The following WNT2 variants were observed in gnomAD, a reference collection of about 807,000 sequenced individuals.
The protein encoded by WNT2 is protein Wnt-2.
Under a neutral mutation model 36.9 loss-of-function variants are expected in WNT2, and 12 were observed. That is an observed-to-expected ratio of 0.33 (90% CI 0.21 to 0.53). WNT2 has a LOEUF of 0.53. WNT2 is among the 20% of genes least tolerant of loss of function. WNT2 has a pLI of 0.95. For synonymous variants in WNT2, 163 were observed against 174.6 expected, an observed-to-expected ratio of 0.93 and a Z score of 0.52; for missense variants, 379 against 473.1, an observed-to-expected ratio of 0.80 and a Z score of 1.84.
chr7:117,307,444 CTGTCTGACACCA>C (rs768226997), intron 3 of WNT2, among the ~76,000 whole-genome samples: 152 of 152,202 alleles, frequency 1.0e-3, no homozygotes, highest in Non-Finnish European at 1.8e-3. Context: ...TAAGCCAAGC[CTGTCTGACACCA>C]AAGTCGACAT....
Position 117,315,338 on chromosome 7 carries a change from T to C in WNT2, c.321A>G (p.Glu107=). 6.2e-7 allele frequency: 1 copy of C among 1,612,390 alleles called. No homozygotes were observed. The highest frequency in any genetic ancestry group is 8.5e-7 in the Non-Finnish European group (1 of 1,179,150). ...AGGAGATGGCATAAACAAAGGCAGA[T>C]TCCCGACTACCTGAAACAAAAATGC... The part of the protein sequence containing the change: ...FGRVLLRSSR[E]SAFVYAISSA... Residue 107 remains glutamate, a synonymous_variant, in exon 3 of 5, where the codon GAA becomes GAG. Transcript: ENST00000265441.
At chr7:117,315,487 T>C (rs2116387394) in intron 2 of WNT2, 139 bp from the exon 3 acceptor site, 1 of 909,650 alleles carries the variant, frequency 1.1e-6, no homozygotes, top group Non-Finnish European at 1.6e-6. Flanking sequence ...TCTTGAAGGG[T>C]TCTTTTCTAG....
At chr7:117,303,820 T>C (rs1176287883) in intron 3 of WNT2, among the ~76,000 whole-genome samples, 1 of 152,178 alleles carries the variant, frequency 6.6e-6, no homozygotes, top group African/African-American at 2.4e-5. Flanking sequence ...TAAAGTGAAG[T>C]TGGGTGTTTT....
At chr7:117,294,500 C>T (rs575647631) in intron 4 of WNT2, among the ~76,000 whole-genome samples, 1 of 149,994 alleles carries the variant, frequency 6.7e-6, no homozygotes. Flanking sequence ...TAGGCTCAGC[C>T]AAAAAGGACA....
At chr7:117,288,542 C>G (rs139345396) in intron 4 of WNT2, among the ~76,000 whole-genome samples, 1 of 152,256 alleles carries the variant, frequency 6.6e-6, no homozygotes, top group Non-Finnish European at 1.5e-5. Context: ...AGTATTTTAA[C>G]GTCATCCTTT....
chr7:117,289,811 G>A (rs1347827943), intron 4 of WNT2, among the ~76,000 whole-genome samples: 1 of 152,144 alleles, frequency 6.6e-6, no homozygotes, highest in African/African-American at 2.4e-5. Context: ...CACATGCTAT[G>A]CTCAAAAGAA....
At chr7:117,317,424 G>T (rs1795242923) in intron 2 of WNT2, among the ~76,000 whole-genome samples, 1 of 152,164 alleles carries the variant, frequency 6.6e-6, no homozygotes, top group South Asian at 2.1e-4. Context: ...TTACTAAATA[G>T]CTAGATGTTC....
intron 4 of WNT2, among the ~76,000 whole-genome samples, chr7:117,283,625 C>T (rs1794533812): frequency 6.6e-6 from 1 of 152,176 alleles, no homozygotes; most frequent in African/African-American, 2.4e-5. Context: ...AAAACTGAAC[C>T]AGACTGTCTG....
intron 2 of WNT2, among the ~76,000 whole-genome samples, chr7:117,319,577 C>CT (rs1795287550): frequency 6.6e-6 from 1 of 151,626 alleles, no homozygotes; most frequent in Non-Finnish European, 1.5e-5. Flanking sequence ...GGGGTTTGCA[C>CT]ATAAACTGCT....
intron 3 of WNT2, among the ~76,000 whole-genome samples, chr7:117,308,445 G>A (rs1048214960): frequency 6.6e-6 from 1 of 152,194 alleles, no homozygotes; most frequent in African/African-American, 2.4e-5. Flanking sequence ...ACATGGAACT[G>A]CAACAATTTT....
At position 117,276,473 on chromosome 7, in the gene WNT2, C is replaced by T. The variant is rs1371483177; in HGVS notation, c.*1682G>A. 1.3e-5 allele frequency among the ~76,000 whole-genome samples: 2 copies of T among 152,122 alleles called. No homozygotes were observed. Among genetic ancestry groups the T allele is most frequent in the African/African-American group, 4.8e-5 (2 of 41,404 alleles). The stretch of plus-strand genomic sequence containing the variant: ...GAGTCACTTTGGAAAAGTTAGACAA[C>T]AATTTGGGAATGAGGGAAAGGGGAT... On this transcript the variant is annotated 3_prime_UTR_variant, in exon 5 of 5. Transcript: ENST00000265441.
Position 117,277,808 on chromosome 7 carries a change from G to T in WNT2, c.*347C>A. The T allele has an allele frequency of 8.6e-6, 2 of 232,312 alleles. No individual in the cohort carries two copies. The highest frequency in any genetic ancestry group is 2.2e-5 in the African/African-American group (1 of 44,878). The allele number at this position is 232,312 out of a possible 1,614,324, so 14.4% of individuals were successfully genotyped here. A position where few individuals can be genotyped will look rare whatever the true frequency, so the allele number is the denominator to read the frequency against. On this transcript the variant is annotated 3_prime_UTR_variant, in exon 5 of 5. Transcript: ENST00000265441. ...GCTCCTTTGAGACACTTTTTTTTCT[G>T]CTTGGCCAACTGCTCTAGAAAGAAG...
chr7:117,312,527 T>C (rs1795140789), intron 3 of WNT2, among the ~76,000 whole-genome samples: 1 of 152,264 alleles, frequency 6.6e-6, no homozygotes, highest in Non-Finnish European at 1.5e-5. Context: ...TTTTATAGCA[T>C]GGTTTCTTTA....
At chr7:117,315,467 G>T in intron 2 of WNT2, 119 bp from the exon 3 acceptor site, 1 of 1,050,372 alleles carries the variant, frequency 9.5e-7, no homozygotes, top group Non-Finnish European at 1.3e-6. Context: ...AGACAACAAG[G>T]TACTGATATT....
intron 4 of WNT2, among the ~76,000 whole-genome samples, chr7:117,287,052 A>C (rs185780674): frequency 6.6e-6 from 1 of 152,308 alleles, no homozygotes; most frequent in East Asian, 1.9e-4. Flanking sequence ...CTGTTTCCTC[A>C]TAAGAGTTAC....
chr7:117,300,186 T>C (rs1794875831), intron 3 of WNT2, among the ~76,000 whole-genome samples: 1 of 152,194 alleles, frequency 6.6e-6, no homozygotes, highest in South Asian at 2.1e-4. Flanking sequence ...CTTTATTTTT[T>C]ATTTATTTAT....
intron 3 of WNT2, among the ~76,000 whole-genome samples, chr7:117,309,173 G>C (rs1449171226): frequency 6.7e-6 from 1 of 150,036 alleles, no homozygotes; most frequent in African/African-American, 2.4e-5. Context: ...GACAGGGTGA[G>C]ACCCTGTCTC....
In WNT2 at chr7:117,284,598, T is replaced by C. The variant is rs144776376; in HGVS notation, c.854-6214A>G. ...GAGTTTTCACATTTTCCAAGCTGAA[T>C]GGAGTGAAAGTTCATTCATCCTTTC... On this transcript the variant is annotated intron_variant, in intron 4 of 4. Coordinates refer to ENST00000265441, the MANE Select transcript of WNT2 (RefSeq NM_003391.3). The surrounding 1 kb of genome is among the most constrained non-coding windows in gnomAD (Gnocchi z 5.2). Among the ~76,000 whole-genome samples the C allele has an allele frequency of 4.3e-4, 65 of 152,364 alleles. No individual in the cohort carries two copies. The Middle Eastern group carries it at 0.01, about 24-fold the overall frequency.
chr7:117,298,985 G>A (rs944457969), intron 3 of WNT2, among the ~76,000 whole-genome samples: 1 of 152,148 alleles, frequency 6.6e-6, no homozygotes, highest in Non-Finnish European at 1.5e-5. Context: ...TTGTGGATGG[G>A]GTACCCACTA....
Sources: gnomAD v4.1 joint callset for allele counts (sites outside exome capture counted in the v4.1 genomes callset) on GRCh38, gnomAD v4.1.1 for gene constraint, Gnocchi (gnomAD v3.1) non-coding constraint, MANE v1.5 for transcripts, NCBI Gene and HGNC (gene_info 2026-07-23, HGNC 2026-07-21) for gene names.